DAB1: variants seen among roughly 807,000 people sequenced by gnomAD.
DAB1 encodes the protein disabled homolog 1.
Under a neutral mutation model 64.6 loss-of-function variants are expected in DAB1, and 15 were observed. That is an observed-to-expected ratio of 0.23 (90% CI 0.16 to 0.36). The LOEUF (loss-of-function observed/expected upper bound fraction) is 0.36. Ranked by LOEUF, DAB1 falls within the 10% of genes least tolerant of loss-of-function variation. The pLI is 1.00. For synonymous variants in DAB1, 235 were observed against 251.9 expected, an observed-to-expected ratio of 0.93 and a Z score of 0.64; for missense variants, 596 against 706.7, an observed-to-expected ratio of 0.84 and a Z score of 1.78.
intron 1 of DAB1, among the ~76,000 whole-genome samples, chr1:57,836,880 C>A (rs969774160): frequency 6.6e-6 from 1 of 152,182 alleles, no homozygotes; most frequent in Non-Finnish European, 1.5e-5. Flanking sequence ...ACAAACCGAG[C>A]ACTTCATCAC....
chr1:57,840,888 T>C (rs535862442), intron 1 of DAB1, among the ~76,000 whole-genome samples: 155 of 152,314 alleles, frequency 1.0e-3, no homozygotes, highest in African/African-American at 3.7e-3. Flanking sequence ...CTAAATCTCA[T>C]GTCCTTCTCA....
At chr1:58,161,653 T>C (rs1655544276) in intron 4 of DAB1, among the ~76,000 whole-genome samples, 1 of 152,170 alleles carries the variant, frequency 6.6e-6, no homozygotes, top group African/African-American at 2.4e-5. Flanking sequence ...TATGTATATA[T>C]ATAATTTCTC....
chr1:57,781,651 A>G (rs1343634864), intron 6 of DAB1, among the ~76,000 whole-genome samples: 1 of 151,756 alleles, frequency 6.6e-6, no homozygotes, highest in East Asian at 1.9e-4. Flanking sequence ...CAAAGCTTCT[A>G]AATAGTTCCC....
intron 4 of DAB1, among the ~76,000 whole-genome samples, chr1:58,233,557 A>G (rs2100357390): frequency 6.6e-6 from 1 of 152,316 alleles, no homozygotes; most frequent in African/African-American, 2.4e-5. Context: ...AGGTCTTTTC[A>G]TTCTCTCTCT....
chr1:57,381,608 T>G (rs924207692), intron 1 of DAB1, among the ~76,000 whole-genome samples: 3 of 152,136 alleles, frequency 2.0e-5, no homozygotes, highest in Non-Finnish European at 4.4e-5. Context: ...AACAAAACTT[T>G]CAATGGAAAT....
chr1:57,557,410 A>G (rs1459964501), intron 7 of DAB1, among the ~76,000 whole-genome samples: 1 of 151,780 alleles, frequency 6.6e-6, no homozygotes, highest in East Asian at 1.9e-4. Flanking sequence ...TAAATGGCTT[A>G]TATATATATA....
At chr1:57,992,473 C>T (rs976883142) in intron 5 of DAB1, among the ~76,000 whole-genome samples, 1 of 152,160 alleles carries the variant, frequency 6.6e-6, no homozygotes, top group Non-Finnish European at 1.5e-5. Flanking sequence ...TATAATTCCA[C>T]TACCCAGGAG....
Position 57,894,788 on chromosome 1 carries a change from G to A in DAB1, n.388-10626C>T, listed in dbSNP as rs372299136. ...CAGTCAGGAGTTAATTTTGCCATGC[G>A]CTGTGAAACATGAAACACGAAACAC... On this transcript the variant is annotated intron_variant and non_coding_transcript_variant, in intron 5 of 20. Coordinates refer to the DAB1 transcript ENST00000485760. Among the ~76,000 whole-genome samples, 29 of 152,294 alleles carry A rather than the reference G, an allele frequency of 1.9e-4. 1 individual carries two copies. The highest frequency in any genetic ancestry group is 6.5e-4 in the African/African-American group (27 of 41,582).
At chr1:57,480,025 G>A (rs1401102556) in intron 7 of DAB1, among the ~76,000 whole-genome samples, 3 of 151,500 alleles carry the variant, frequency 2.0e-5, no homozygotes, top group South Asian at 4.2e-4. Flanking sequence ...GGTGGCGCGC[G>A]CCTGTAGTCC....
intron 7 of DAB1, among the ~76,000 whole-genome samples, chr1:57,532,554 A>G (rs1049133688): frequency 3.9e-5 from 6 of 152,208 alleles, no homozygotes; most frequent in Non-Finnish European, 8.8e-5. Flanking sequence ...ATTCGCAGAT[A>G]ATTTTTGAAT....
At chr1:57,653,809 G>A (rs991561577) in intron 6 of DAB1, among the ~76,000 whole-genome samples, 6 of 152,008 alleles carry the variant, frequency 3.9e-5, no homozygotes, top group Non-Finnish European at 5.9e-5. Context: ...GACGGGGTTC[G>A]CCATGTTGGC....
chr1:58,039,381 T>G (rs1647098657), intron 5 of DAB1, among the ~76,000 whole-genome samples: 1 of 152,106 alleles, frequency 6.6e-6, no homozygotes, highest in South Asian at 2.1e-4. Flanking sequence ...CAATAAAGGC[T>G]CTTGATCAGG....
intron 14 of DAB1, among the ~76,000 whole-genome samples, chr1:56,998,597 T>C (rs1349709950): frequency 1.3e-5 from 2 of 152,228 alleles, no homozygotes; most frequent in Non-Finnish European, 2.9e-5. Context: ...TGGACATTTT[T>C]CCAACACAGT....
intron 9 of DAB1, among the ~76,000 whole-genome samples, chr1:57,048,699 G>T (rs1484774342): frequency 6.6e-6 from 1 of 152,118 alleles, no homozygotes; most frequent in African/African-American, 2.4e-5. Flanking sequence ...AGGTTTTGAG[G>T]CTCCAACTCA....
At chr1:57,098,287 G>A (rs506577) in intron 4 of DAB1, among the ~76,000 whole-genome samples, 93,195 of 151,960 alleles carry the variant, frequency 0.61, 29,139 homozygotes, top group East Asian at 0.85. Flanking sequence ...TATTTATATA[G>A]TATCTAATCT....
At chr1:57,273,433 TA>T (rs1205531447) in intron 2 of DAB1, among the ~76,000 whole-genome samples, 1 of 152,118 alleles carries the variant, frequency 6.6e-6, no homozygotes, top group Non-Finnish European at 1.5e-5. Context: ...ACTCCTCTGC[TA>T]AGCAACTTTG....
chr1:58,455,155 G>C (rs1160274561), intron 3 of DAB1, among the ~76,000 whole-genome samples: 1 of 152,232 alleles, frequency 6.6e-6, no homozygotes, highest in African/African-American at 2.4e-5. Flanking sequence ...CACCTGCAGG[G>C]GATCAGGAGT....
chr1:58,154,769 C>T (rs918070237), intron 4 of DAB1, among the ~76,000 whole-genome samples: 2 of 152,144 alleles, frequency 1.3e-5, no homozygotes, highest in South Asian at 2.1e-4. Context: ...AGAAGGAAAG[C>T]GTTGGTGGGG....
chr1:57,157,448 C>T (rs1660334418), intron 2 of DAB1, among the ~76,000 whole-genome samples: 1 of 152,116 alleles, frequency 6.6e-6, no homozygotes, highest in South Asian at 2.1e-4. Context: ...GTTCTGGAGG[C>T]TGAGCAGTCC....
Sources: allele counts gnomAD v4.1 joint callset (sites outside exome capture counted in the v4.1 genomes callset), GRCh38; gene constraint gnomAD v4.1.1; transcripts MANE v1.5; gene names NCBI Gene and HGNC (gene_info 2026-07-23, HGNC 2026-07-21).